TECPR2: variants seen among roughly 807,000 people sequenced by gnomAD.
TECPR2 encodes the protein tectonin beta-propeller repeat containing 2.
Under a neutral mutation model 138.1 loss-of-function variants are expected in TECPR2, and 65 were observed. The observed-to-expected ratio is 0.47, with a 90% confidence interval of 0.39 to 0.58. The LOEUF is 0.58. Ranked by LOEUF, TECPR2 falls within the 20% of genes least tolerant of loss-of-function variation. The probability of loss-of-function intolerance (pLI) is 0.00; values close to 1 mark genes in which losing one functional copy is unlikely to be tolerated. For synonymous variants in TECPR2, 746 were observed against 749.8 expected, an observed-to-expected ratio of 0.99 and a Z score of 0.08; for missense variants, 1,553 against 1,824.5, an observed-to-expected ratio of 0.85 and a Z score of 2.71.
At chr14:102,369,987 A>C (rs2139649007) in intron 1 of TECPR2, among the ~76,000 whole-genome samples, 1 of 151,944 alleles carries the variant, frequency 6.6e-6, no homozygotes. Flanking sequence ...GCAAACAAAC[A>C]AACCCTTGGG....
At chr14:102,365,151 G>A (rs531404541) in intron 1 of TECPR2, among the ~76,000 whole-genome samples, 1 of 152,306 alleles carries the variant, frequency 6.6e-6, no homozygotes, top group Admixed American at 6.5e-5. Context: ...TTCAACAAAC[G>A]TGTATTGAGC....
In TECPR2 at chr14:102,393,622, G is replaced by GAA. The variant is rs1312432707; in HGVS notation, c.220-13715_220-13714insAA. On this transcript the variant is annotated intron_variant, in intron 2 of 19. Coordinates refer to ENST00000359520, the MANE Select transcript of TECPR2 (RefSeq NM_014844.5). ...TGCCCAGACTGGAGTGCAGTGGCAT[G>GAA]ATCTTGGCTCACTGCAACCTCCGCC... 2.6e-5 allele frequency among the ~76,000 whole-genome samples: 4 copies of GAA among 152,206 alleles called. No homozygotes were observed. In the East Asian group the frequency reaches 7.7e-4, roughly 29 times the overall value.
At chr14:102,485,538 T>C (rs1178345882) in intron 17 of TECPR2, among the ~76,000 whole-genome samples, 1 of 152,126 alleles carries the variant, frequency 6.6e-6, no homozygotes, top group African/African-American at 2.4e-5. Context: ...TACCTAGAAG[T>C]AGACCACAGG....
intron 2 of TECPR2, among the ~76,000 whole-genome samples, chr14:102,392,326 G>C (rs76690007): frequency 0.037 from 5,647 of 152,120 alleles, 288 homozygotes; most frequent in African/African-American, 0.12. Flanking sequence ...GGACCTTTAT[G>C]TTCTCTCTTC....
chr14:102,368,805 T>C (rs573182970), intron 1 of TECPR2, among the ~76,000 whole-genome samples: 4 of 151,906 alleles, frequency 2.6e-5, no homozygotes, highest in Non-Finnish European at 4.4e-5. Context: ...TGATAGCTTG[T>C]ACTGTGGCAT....
At chr14:102,437,399 T>C (rs1889697038) in intron 9 of TECPR2, among the ~76,000 whole-genome samples, 1 of 151,894 alleles carries the variant, frequency 6.6e-6, no homozygotes, top group Admixed American at 6.6e-5. Context: ...ATACAAAAAA[T>C]AGCCGGGTGT....
chr14:102,452,688 C>T (rs920527899), intron 16 of TECPR2, 61 bp downstream of exon 16: 201 of 1,383,140 alleles, frequency 1.5e-4, no homozygotes, highest in Non-Finnish European at 1.8e-4. Context: ...GGCATCACAA[C>T]GTGATGTCGG....
At chr14:102,458,966 C>CATATATATATATATATATAT (rs3068229) in intron 16 of TECPR2, among the ~76,000 whole-genome samples, 35 of 138,374 alleles carry the variant, frequency 2.5e-4, no homozygotes, top group African/African-American at 9.0e-4. Context: ...AAAATACACA[C>CATATATATATATATATATAT]ATATATATAT....
intron 18 of TECPR2, 163 bp from the exon 19 acceptor site, chr14:102,497,407 G>A: frequency 9.1e-7 from 1 of 1,102,446 alleles, no homozygotes; most frequent in Non-Finnish European, 1.2e-6. Context: ...CTGCCAACTG[G>A]TCGTCCTTTC....
chr14:102,379,776 A>G (rs527863078), intron 2 of TECPR2, among the ~76,000 whole-genome samples: 29 of 147,068 alleles, frequency 2.0e-4, no homozygotes, highest in South Asian at 1.6e-3. Context: ...CCATGCACAG[A>G]GGCGTCCTAG....
intron 17 of TECPR2, among the ~76,000 whole-genome samples, chr14:102,475,106 C>A (rs1890729377): frequency 1.3e-5 from 2 of 152,214 alleles, no homozygotes; most frequent in Admixed American, 1.3e-4. Flanking sequence ...GCTTCCAGAG[C>A]TGTGGGCAGA....
chr14:102,488,729 G>C (rs1891094626), intron 17 of TECPR2, among the ~76,000 whole-genome samples: 1 of 151,354 alleles, frequency 6.6e-6, no homozygotes, highest in Non-Finnish European at 1.5e-5. Flanking sequence ...CACAGCAATG[G>C]TAACTGCAAA....
chr14:102,365,813 C>A (rs569656782), intron 1 of TECPR2, among the ~76,000 whole-genome samples: 1 of 152,178 alleles, frequency 6.6e-6, no homozygotes, highest in South Asian at 2.1e-4. Flanking sequence ...ACTGTTTTGT[C>A]ATAGTGTCTA....
chr14:102,444,419 C>T (rs1350838685), intron 12 of TECPR2, among the ~76,000 whole-genome samples: 1 of 152,010 alleles, frequency 6.6e-6, no homozygotes, highest in African/African-American at 2.4e-5. Flanking sequence ...AGACTCATCT[C>T]GAACTCTTGG....
chr14:102,477,934 CAAAAAAAAA>C (rs1188082616), intron 17 of TECPR2, among the ~76,000 whole-genome samples: 1 of 44,638 alleles, frequency 2.2e-5, no homozygotes, highest in Non-Finnish European at 4.1e-5. Flanking sequence ...GACTCCGTCT[CAAAAAAAAA>C]AAAAAAAAAA....
chr14:102,380,499 C>G (rs1887773561), intron 2 of TECPR2, among the ~76,000 whole-genome samples: 1 of 152,202 alleles, frequency 6.6e-6, no homozygotes, highest in Non-Finnish European at 1.5e-5. Context: ...TCACAGGGCT[C>G]ACTGTCACAA....
intron 2 of TECPR2, among the ~76,000 whole-genome samples, chr14:102,380,451 G>A (rs1341352557): frequency 2.6e-5 from 4 of 152,228 alleles, no homozygotes; most frequent in Admixed American, 2.6e-4. Context: ...GGCTGCGGAG[G>A]CCTCAGGAAA....
chr14:102,442,133 C>T (rs1889852342), intron 11 of TECPR2, among the ~76,000 whole-genome samples: 2 of 152,336 alleles, frequency 1.3e-5, no homozygotes, highest in South Asian at 4.1e-4. Flanking sequence ...CACATGCCAC[C>T]ATGTCCAGCT....
chr14:102,363,241 C>T (rs186342266), intron 1 of TECPR2, 125 bp downstream of exon 1: 6,100 of 201,276 alleles, frequency 0.03, 122 homozygotes, highest in Middle Eastern at 0.052. Flanking sequence ...GTCTCCATGC[C>T]CGTCCGCCCC....
Sources: allele counts gnomAD v4.1 joint callset (sites outside exome capture counted in the v4.1 genomes callset), GRCh38; gene constraint gnomAD v4.1.1; transcripts MANE v1.5; gene names NCBI Gene and HGNC (gene_info 2026-07-23, HGNC 2026-07-21).